The following RPS6KC1 variants were observed in gnomAD, a reference collection of about 807,000 sequenced individuals.
The protein encoded by RPS6KC1 is ribosomal protein S6 kinase C1.
A neutral mutation model predicts 103.8 loss-of-function variants in RPS6KC1; 54 were observed. That is an observed-to-expected ratio of 0.52 (90% confidence interval 0.42 to 0.65). The LOEUF (loss-of-function observed/expected upper bound fraction) is 0.65. RPS6KC1 is among the 30% of genes least tolerant of loss of function. The pLI is 0.00. For missense variants in RPS6KC1, 1,151 were observed against 1,253.8 expected, an observed-to-expected ratio of 0.92 and a Z score of 1.24; for synonymous variants, 439 against 438.7, an observed-to-expected ratio of 1.00 and a Z score of -0.01.
chr1:213,403,635 T>C, the RPS6KC1 span, among the ~76,000 whole-genome samples: 9 of 152,152 alleles, frequency 5.9e-5, no homozygotes, highest in African/African-American at 1.7e-4. Flanking sequence ...ATTGAGGGTT[T>C]CTCCTAGCTC....
Position 213,051,574 on chromosome 1 carries a change from C to G in RPS6KC1, c.105+65C>G, listed in dbSNP as rs926316858. ...GACCTGAGGATCTGGGGTGGGGACC[C>G]TGATGTGAGGGTACCTGACTCTGGC... On this transcript the variant is annotated intron_variant, in intron 1 of 14. Transcript: ENST00000366960. 8 of 1,184,106 alleles carry G rather than the reference C, an allele frequency of 6.8e-6. No homozygotes were observed. The African/African-American group carries it at 1.2e-4, about 18-fold the overall frequency. The allele number at this position is 1,184,106 out of a possible 1,614,324, so 73.3% of individuals were successfully genotyped here. A position where few individuals can be genotyped will look rare whatever the true frequency, so the allele number is the denominator to read the frequency against.
chr1:213,260,743 G>A (rs2094770479), intron 12 of RPS6KC1, among the ~76,000 whole-genome samples: 2 of 125,738 alleles, frequency 1.6e-5, no homozygotes, highest in African/African-American at 6.4e-5. Context: ...GATAATGTAA[G>A]GGCTAAAAGC....
the RPS6KC1 span, among the ~76,000 whole-genome samples, chr1:213,383,193 CT>C: frequency 0.13 from 19,378 of 152,274 alleles, 1,595 homozygotes; most frequent in Non-Finnish European, 0.19. Flanking sequence ...AAATCCCCCC[CT>C]GAATGGGGAC....
chr1:213,323,105 A>G, the RPS6KC1 span, among the ~76,000 whole-genome samples: 1 of 151,448 alleles, frequency 6.6e-6, no homozygotes, highest in African/African-American at 2.4e-5. Flanking sequence ...GCATCTTCAA[A>G]GCTTTCTCTT....
chr1:213,683,739 C>G, the RPS6KC1 span, among the ~76,000 whole-genome samples: 4 of 152,182 alleles, frequency 2.6e-5, no homozygotes, highest in Non-Finnish European at 4.4e-5. Flanking sequence ...TTGGCCCGGC[C>G]CGTCCCAACT....
At chr1:213,368,489 T>A in the RPS6KC1 span, among the ~76,000 whole-genome samples, 5 of 152,296 alleles carry the variant, frequency 3.3e-5, no homozygotes, top group African/African-American at 1.2e-4. Context: ...ATAAGAAACA[T>A]AACTTAAAAT....
At chr1:213,585,573 T>C in the RPS6KC1 span, among the ~76,000 whole-genome samples, 4 of 152,298 alleles carry the variant, frequency 2.6e-5, no homozygotes, top group South Asian at 8.3e-4. Context: ...CTTCAGCACC[T>C]GGGTGTGAAT....
intron 8 of RPS6KC1, among the ~76,000 whole-genome samples, chr1:213,185,620 C>G (rs1161985755): frequency 6.6e-6 from 1 of 151,970 alleles, no homozygotes; most frequent in East Asian, 1.9e-4. Context: ...TGCACTCCAT[C>G]CAGCCTGGGT....
chr1:213,227,411 TAAC>T (rs1241830765), intron 8 of RPS6KC1, among the ~76,000 whole-genome samples: 1 of 152,232 alleles, frequency 6.6e-6, no homozygotes, highest in East Asian at 1.9e-4. Context: ...GTTGCTGACA[TAAC>T]AAATTACCAC....
At chr1:213,111,338 T>C (rs2083013643) in intron 4 of RPS6KC1, among the ~76,000 whole-genome samples, 2 of 152,206 alleles carry the variant, frequency 1.3e-5, no homozygotes, top group African/African-American at 4.8e-5. Context: ...CCAAAATTTC[T>C]ATGAAATTTT....
intron 6 of RPS6KC1, among the ~76,000 whole-genome samples, chr1:213,152,226 G>C (rs2089190341): frequency 6.9e-6 from 1 of 145,206 alleles, no homozygotes; most frequent in Non-Finnish European, 1.5e-5. Flanking sequence ...GGCCGGGCGG[G>C]GGGCTGATGC....
At chr1:213,756,529 C>T in the RPS6KC1 span, among the ~76,000 whole-genome samples, 1 of 152,186 alleles carries the variant, frequency 6.6e-6, no homozygotes, top group Non-Finnish European at 1.5e-5. Context: ...TCTATCAGCA[C>T]CATATTTTCA....
At chr1:213,336,757 A>G in the RPS6KC1 span, among the ~76,000 whole-genome samples, 1 of 152,166 alleles carries the variant, frequency 6.6e-6, no homozygotes, top group Non-Finnish European at 1.5e-5. Flanking sequence ...GCAGAGCCCG[A>G]AGCTAAATCT....
chr1:213,467,883 G>A, the RPS6KC1 span, among the ~76,000 whole-genome samples: 1 of 152,206 alleles, frequency 6.6e-6, no homozygotes, highest in African/African-American at 2.4e-5. Flanking sequence ...CATTTCTGGT[G>A]TGAACATATC....
the RPS6KC1 span, among the ~76,000 whole-genome samples, chr1:213,850,357 CTG>C: frequency 6.6e-6 from 1 of 152,122 alleles, no homozygotes; most frequent in Admixed American, 6.5e-5. Context: ...TACCAGGACA[CTG>C]TGTGTTTTAC....
chr1:213,251,581 C>G (rs549120667), intron 12 of RPS6KC1, among the ~76,000 whole-genome samples: 1 of 152,298 alleles, frequency 6.6e-6, no homozygotes, highest in African/African-American at 2.4e-5. Context: ...GGCTTCCACT[C>G]TCACCCTCTA....
chr1:213,789,542 T>C, the RPS6KC1 span, among the ~76,000 whole-genome samples: 20 of 152,162 alleles, frequency 1.3e-4, no homozygotes, highest in Non-Finnish European at 2.5e-4. Context: ...TGTGAGCACA[T>C]AGCCCATGCA....
intron 6 of RPS6KC1, among the ~76,000 whole-genome samples, chr1:213,152,057 A>T: frequency 1.6e-5 from 1 of 60,714 alleles, no homozygotes. Flanking sequence ...GCGGGGGGCT[A>T]ACCCCCCCAC....
At chr1:213,176,301 G>C (rs2091864071) in intron 7 of RPS6KC1, 99 bp from the exon 8 acceptor site, 1 of 597,394 alleles carries the variant, frequency 1.7e-6, no homozygotes, top group African/African-American at 1.9e-5. Context: ...TCTGATTTAT[G>C]ATGAATTTAC....
Sources: allele counts gnomAD v4.1 joint callset (sites outside exome capture counted in the v4.1 genomes callset), GRCh38; gene constraint gnomAD v4.1.1; transcripts MANE v1.5; gene names NCBI Gene and HGNC (gene_info 2026-07-23, HGNC 2026-07-21).